CFAP99: variants seen among roughly 807,000 people sequenced by gnomAD.
CFAP99 encodes cilia and flagella associated protein 99.
CFAP99 carries 84 observed loss-of-function variants against 82.7 expected under a neutral mutation model. The observed-to-expected ratio is 1.02, with a 90% CI of 0.85 to 1.22. CFAP99 has a LOEUF of 1.22. Ranked by LOEUF, CFAP99 falls within the 50% of genes most tolerant of loss-of-function variation. The pLI, the probability that CFAP99 is intolerant of heterozygous loss-of-function variation, is 0.00. For missense variants in CFAP99, 1,059 were observed against 983.5 expected (o/e 1.08, Z -1.03); for synonymous variants, 456 against 429.5 (o/e 1.06, Z -0.76).
chr4:2,433,237 A>T (rs560236422), intron 2 of CFAP99, among the ~76,000 whole-genome samples: 114 of 152,292 alleles, frequency 7.5e-4, no homozygotes, highest in Non-Finnish European at 1.4e-3. Flanking sequence ...ATGCATGCTC[A>T]CACTTCCCAA....
chr4:2,433,426 G>C (rs1174266627), intron 2 of CFAP99, among the ~76,000 whole-genome samples: 1 of 149,818 alleles, frequency 6.7e-6, no homozygotes, highest in Non-Finnish European at 1.5e-5. Flanking sequence ...GTTACACGGG[G>C]CGGGGGGGGG....
chr4:2,419,632 T>C (rs1415756186), intron 1 of CFAP99, among the ~76,000 whole-genome samples: 1 of 152,204 alleles, frequency 6.6e-6, no homozygotes, highest in African/African-American at 2.4e-5. Flanking sequence ...TTGAGAAGTC[T>C]GACCTGTTCC....
In CFAP99 at chr4:2,449,737, G is replaced by A. The variant is rs1022195831; in HGVS notation, c.710G>A (p.Arg237His). The change falls in exon 7 of 15, where the codon CGC becomes CAC. Residue 237 changes from arginine (R) to histidine (H), a missense_variant. By Grantham distance (29) the Arg-to-His change is conservative. Coordinates refer to ENST00000635017, the Ensembl canonical transcript of CFAP99. ...CTGGAGACAGTCAAGAGGTACAACC[G>A]CCGAAAGGCCGAGGTGAGCTGTGTG... 22 of 1,536,154 alleles carry A rather than the reference G, an allele frequency of 1.4e-5. No individual in the cohort carries two copies. In the Admixed American group the frequency reaches 2.4e-4, roughly 16 times the overall value.
At chr4:2,458,905 C>A in intron 12 of CFAP99, 41 bp downstream of exon 12, 1 of 1,513,320 alleles carries the variant, frequency 6.6e-7, no homozygotes. Flanking sequence ...CCCCGCTCTT[C>A]CCCACTCGGG....
In CFAP99 at chr4:2,462,921, G is replaced by C. The variant is rs1316122775; in HGVS notation, c.2140G>C (p.Ala714Pro). Reference sequence around the variant, plus strand: ...CGGGCCCGCGCGCCGCCTGGAGGCCGCCTGAGCCGGGCCGAGCGCGCCCCA... The same window carrying C: ...CGGGCCCGCGCGCCGCCTGGAGGCCCCCTGAGCCGGGCCGAGCGCGCCCCA... The change falls in exon 15 of 15, where the codon GCC becomes CCC. Residue 714 changes from alanine (A) to proline (P), a missense_variant. Transcript: ENST00000635017. The surrounding 1 kb of genome is among the most constrained non-coding windows in gnomAD (Gnocchi z 4.1). 7.7e-7 allele frequency: 1 copy of C among 1,295,818 alleles called. No homozygotes were observed. The highest frequency in any genetic ancestry group is 1.6e-5 in the African/African-American group (1 of 64,262). 80.3% of individuals were successfully genotyped at this position (1,295,818 alleles called of 1,614,324 possible). A position where few individuals can be genotyped will look rare whatever the true frequency, so the allele number is the denominator to read the frequency against.
intron 6 of CFAP99, 55 bp downstream of exon 6, chr4:2,445,363 C>A: frequency 7.9e-7 from 1 of 1,272,772 alleles, no homozygotes; most frequent in Non-Finnish European, 9.9e-7. Context: ...GGTAGCCAAG[C>A]TGGGAGAGTG....
chr4:2,449,023 G>C (rs1260907516), intron 6 of CFAP99, among the ~76,000 whole-genome samples: 2 of 152,136 alleles, frequency 1.3e-5, no homozygotes, highest in Non-Finnish European at 2.9e-5. Context: ...GGAAGATGAG[G>C]GTTTGAGGTT....
At position 2,454,701 on chromosome 4, in the gene CFAP99, A is replaced by G. The variant is rs140563769; in HGVS notation, c.1161+2355A>G. Among the ~76,000 whole-genome samples the G allele has an allele frequency of 1.2e-3, 171 of 148,490 alleles. 1 individual carries two copies. The highest frequency in any genetic ancestry group is 3.5e-3 in the Middle Eastern group (1 of 284). On this transcript the variant is annotated intron_variant, in intron 11 of 14. Transcript: ENST00000635017. ...CAGTGGGTTGATCTCAGCTCAGTGC[A>G]ACCTCTGCCTCCCAGGGTCAGGCGG...
chr4:2,435,739 C>G (rs1301496319), intron 2 of CFAP99, among the ~76,000 whole-genome samples: 2 of 152,156 alleles, frequency 1.3e-5, no homozygotes, highest in Non-Finnish European at 2.9e-5. Flanking sequence ...GCCTGAGGAA[C>G]ATGGTGAGAT....
At chr4:2,443,031 G>A (rs1560383968) in intron 4 of CFAP99, 99 bp from the exon 5 acceptor site, 3 of 613,164 alleles carry the variant, frequency 4.9e-6, no homozygotes, top group South Asian at 1.8e-5. Flanking sequence ...GGTGCTGGGG[G>A]CCTTGGGGGC....
chr4:2,459,329 T>G, intron 13 of CFAP99, 71 bp downstream of exon 13: 1 of 1,450,012 alleles, frequency 6.9e-7, no homozygotes, highest in Non-Finnish European at 9.1e-7. Flanking sequence ...AGAGGCAGTT[T>G]CCAGGGTTCC....
exon 6 of CFAP99, chr4:2,445,287 G>A (rs1025569692): frequency 2.3e-5 from 32 of 1,365,850 alleles, no homozygotes; most frequent in Middle Eastern, 1.9e-4. Flanking sequence ...AACCAGTCCC[G>A]GTCGTGGCCA....
At chr4:2,437,085 G>A (rs1459339290) in intron 3 of CFAP99, 67 bp downstream of exon 3, 24 of 1,520,328 alleles carry the variant, frequency 1.6e-5, no homozygotes, top group Middle Eastern at 3.5e-4. Flanking sequence ...CTGCGGAAAG[G>A]CCTGGCAGGC....
intron 1 of CFAP99, among the ~76,000 whole-genome samples, chr4:2,423,254 C>T (rs1191083387): frequency 6.6e-6 from 1 of 152,256 alleles, no homozygotes; most frequent in African/African-American, 2.4e-5. Flanking sequence ...GGGTTGGCCA[C>T]CACGCCCACA....
intron 2 of CFAP99, among the ~76,000 whole-genome samples, chr4:2,433,560 G>T (rs1294192780): frequency 1.3e-5 from 2 of 152,122 alleles, no homozygotes; most frequent in African/African-American, 2.4e-5. Context: ...GCAGCTCAGT[G>T]GGGGAGCCCT....
intron 2 of CFAP99, among the ~76,000 whole-genome samples, chr4:2,430,909 T>TA (rs1335714294): frequency 5.3e-5 from 8 of 151,256 alleles, no homozygotes; most frequent in African/African-American, 4.9e-5. Flanking sequence ...CTTTTCTCTA[T>TA]AAAAAATGTA....
intron 8 of CFAP99, chr4:2,450,361 G>A (rs1043016804): frequency 5.9e-6 from 2 of 336,592 alleles, no homozygotes; most frequent in East Asian, 6.9e-5. Context: ...AGGTAATGAC[G>A]ACAGGAGAGA....
chr4:2,462,627 G>A lies in CFAP99; in HGVS notation c.1846G>A (p.Glu616Lys), dbSNP rs1734652751. 3.0e-6 allele frequency: 4 copies of A among 1,317,762 alleles called. No individual in the cohort carries two copies. Among genetic ancestry groups the A allele is most frequent in the Non-Finnish European group, 3.9e-6 (4 of 1,036,556 alleles). The allele number at this position is 1,317,762 out of a possible 1,614,324, so 81.6% of individuals were successfully genotyped here. A position where few individuals can be genotyped will look rare whatever the true frequency, so the allele number is the denominator to read the frequency against. Residue 616 changes from glutamate (E) to lysine (K), a missense_variant, in exon 15 of 15, where the codon GAG becomes AAG. Physicochemically the swap from Glu to Lys is moderately conservative, Grantham distance 56. Transcript: ENST00000635017. This position sits in a 1 kb window ranked among gnomAD's most constrained non-coding sequence, Gnocchi z 4.1. The stretch of plus-strand genomic sequence containing the variant: ...CCGGGTGAGTCCGGATTGGTGGGAG[G>A]AGCCCGGGCGACTGAAAGCCGGGGC...
intron 1 of CFAP99, among the ~76,000 whole-genome samples, chr4:2,425,712 G>GC (rs1278916062): frequency 6.6e-6 from 1 of 152,134 alleles, no homozygotes; most frequent in African/African-American, 2.4e-5. Context: ...GACAGGCCCC[G>GC]CCTCCTCTGA....
Sources: gnomAD v4.1 joint callset for allele counts (sites outside exome capture counted in the v4.1 genomes callset) on GRCh38, gnomAD v4.1.1 for gene constraint, Gnocchi (gnomAD v3.1) non-coding constraint, MANE v1.5 for transcripts, NCBI Gene and HGNC (gene_info 2026-07-23, HGNC 2026-07-21) for gene names.